The following NAB2 variants were observed in gnomAD, a reference collection of about 807,000 sequenced individuals.
NAB2 encodes NGFI-A-binding protein 2.
NAB2 carries 9 observed loss-of-function variants against 44.2 expected under a neutral mutation model. The observed-to-expected ratio is 0.20, with a 90% CI of 0.12 to 0.36. The LOEUF (loss-of-function observed/expected upper bound fraction) is 0.36, where lower values mean the gene tolerates loss of function less well. Ranked by LOEUF, NAB2 falls within the 10% of genes least tolerant of loss-of-function variation. The probability of loss-of-function intolerance (pLI) is 1.00; values close to 1 mark genes in which losing one functional copy is unlikely to be tolerated. For synonymous variants in NAB2, 342 were observed against 291.0 expected (o/e 1.18, Z -1.78); for missense variants, 514 against 709.0 (o/e 0.73, Z 3.12).
In NAB2 at chr12:57,089,205, GGCAGCAC is replaced by G; in HGVS notation, c.-60_-54del. The G allele has an allele frequency of 6.7e-7, 1 of 1,483,162 alleles. No homozygotes were observed. Among genetic ancestry groups the G allele is most frequent in the Non-Finnish European group, 9.2e-7 (1 of 1,089,460 alleles). The allele number at this position is 1,483,162 out of a possible 1,614,324, so 91.9% of individuals were successfully genotyped here. A position where few individuals can be genotyped will look rare whatever the true frequency, so the allele number is the denominator to read the frequency against. ...ACACGGCATCGTGCGCGGGGAAGAG[GGCAGCAC>G]GCAGCAGGCGCCGAGCGCCGGGCAC... On this transcript the variant is annotated 5_prime_UTR_variant, in exon 1 of 7. Coordinates refer to ENST00000300131, the MANE Select transcript of NAB2 (RefSeq NM_005967.4).
intron 1 of NAB2, among the ~76,000 whole-genome samples, chr12:57,090,855 T>C (rs2033170158): frequency 6.6e-6 from 1 of 152,222 alleles, no homozygotes. Flanking sequence ...AAGCTGAAGA[T>C]AAGGTTGTAA....
intron 6 of NAB2, among the ~76,000 whole-genome samples, chr12:57,093,836 G>C (rs2033259378): frequency 8.5e-6 from 1 of 117,276 alleles, no homozygotes; most frequent in African/African-American, 3.3e-5. Flanking sequence ...CTGGGGAATG[G>C]GGGGACAGAG....
chr12:57,090,106 C>T (rs1045243476), intron 1 of NAB2, among the ~76,000 whole-genome samples: 1 of 152,140 alleles, frequency 6.6e-6, no homozygotes, highest in African/African-American at 2.4e-5. Flanking sequence ...AGTGTCACTG[C>T]TAGGAGAGGG....
chr12:57,093,020 C>T, intron 4 of NAB2, 43 bp from the exon 5 acceptor site: 1 of 1,614,138 alleles, frequency 6.2e-7, no homozygotes, highest in Non-Finnish European at 8.5e-7. Context: ...CCCCAATCCC[C>T]TCCCTTGGCA....
rs762996162 is a variant in NAB2 at position 57,091,774 on chromosome 12, G to C, written c.733G>C (p.Val245Leu). 6.2e-7 allele frequency: 1 copy of C among 1,614,224 alleles called. No homozygotes were observed. Among genetic ancestry groups the C allele is most frequent in the Non-Finnish European group, 8.5e-7 (1 of 1,180,016 alleles). The change falls in exon 2 of 7, where the codon GTG becomes CTG. Residue 245 changes from valine to leucine, a missense_variant. Val to Leu is a conservative substitution (Grantham distance 32). Transcript: ENST00000300131. This position sits in a 1 kb window ranked among gnomAD's most constrained non-coding sequence, Gnocchi z 7.3. ...DRLEPEMVRM[V>L]VESVERIFRS... is the part of the protein sequence containing the mutation. ...ACTGGAGCCAGAGATGGTACGCATG[G>C]TGGTGGAAAGTGTGGAGAGGATCTT...
At chr12:57,092,413 G>A (rs200885217) in intron 2 of NAB2, 35 bp from the exon 3 acceptor site, 21 of 1,609,222 alleles carry the variant, frequency 1.3e-5, no homozygotes, top group Middle Eastern at 1.7e-4. Flanking sequence ...GGGGAAGTTC[G>A]AATTCTGACT....
At position 57,089,447 on chromosome 12, in the gene NAB2, G is replaced by T; in HGVS notation, c.83+93G>T. 4 of 1,102,588 alleles carry T rather than the reference G, an allele frequency of 3.6e-6. No individual in the cohort carries two copies. The South Asian group carries it at 6.0e-5, about 17-fold the overall frequency. 68.3% of individuals were successfully genotyped at this position (1,102,588 alleles called of 1,614,324 possible). A position where few individuals can be genotyped will look rare whatever the true frequency, so the allele number is the denominator to read the frequency against. ...AGGGCGGAGGTCGAGGGGAGGACGT[G>T]GGGAAGCAGGACGGGGGTGGGGGGT... On this transcript the variant is annotated intron_variant, in intron 1 of 6. Transcript: ENST00000300131.
chr12:57,094,909 G>A lies in NAB2; in HGVS notation c.*188G>A, dbSNP rs756749319. The A allele has an allele frequency of 2.0e-5, 12 of 597,478 alleles. No individual in the cohort carries two copies. Among genetic ancestry groups the A allele is most frequent in the Non-Finnish European group, 3.0e-5 (10 of 338,004 alleles). The allele number at this position is 597,478 out of a possible 1,614,324, so 37.0% of individuals were successfully genotyped here. ...ATAACAAGCAGAGGCCTGGAGAGAG[G>A]ACACAAGGAGGGTGCGTGGTGCCCT... On this transcript the variant is annotated 3_prime_UTR_variant, in exon 7 of 7. Transcript: ENST00000300131.
At chr12:57,093,722 G>A (rs2033254219) in intron 6 of NAB2, 124 bp downstream of exon 6, 1 of 1,085,114 alleles carries the variant, frequency 9.2e-7, no homozygotes, top group Non-Finnish European at 1.3e-6. Flanking sequence ...CAGTAGGATG[G>A]CTGGGCTCCA....
chr12:57,091,703 G>C lies in NAB2; in HGVS notation c.662G>C (p.Gly221Ala). 6.2e-7 allele frequency: 1 copy of C among 1,613,814 alleles called. No homozygotes were observed. The highest frequency in any genetic ancestry group is 8.5e-7 in the Non-Finnish European group (1 of 1,179,800). The part of the protein sequence containing the change: ...PAGGGVPEGT[G>A]AGGLAAGGTG... Reference sequence around the variant, plus strand: ...GGGGGAGGAGTCCCTGAGGGGACTGGGGCTGGGGGGCTGGCAGCAGGTGGG... The same window carrying C: ...GGGGGAGGAGTCCCTGAGGGGACTGCGGCTGGGGGGCTGGCAGCAGGTGGG... The change falls in exon 2 of 7, where the codon GGG becomes GCG. Residue 221 changes from glycine (G) to alanine (A), a missense_variant. Around this residue, in one of 5 missense-constraint regions of NAB2, gnomAD observed 177 missense variants for 200.5 expected, o/e 0.88. Transcript: ENST00000300131. This position sits in a 1 kb window ranked among gnomAD's most constrained non-coding sequence, Gnocchi z 7.3.
chr12:57,089,408 G>C, intron 1 of NAB2, 54 bp downstream of exon 1: 1 of 1,509,902 alleles, frequency 6.6e-7, no homozygotes, highest in African/African-American at 1.4e-5. Flanking sequence ...GCTGGACTTG[G>C]GAATGGGGTC....
At chr12:57,094,497 T>C (rs2033293887) in intron 6 of NAB2, 115 bp from the exon 7 acceptor site, 1 of 845,288 alleles carries the variant, frequency 1.2e-6, no homozygotes, top group Admixed American at 2.0e-5. Context: ...AGTAATTCAA[T>C]AAACCTAAAC....
intron 1 of NAB2, 108 bp downstream of exon 1, chr12:57,089,462 G>A: frequency 1.2e-6 from 1 of 836,686 alleles, no homozygotes; most frequent in South Asian, 1.7e-5. Flanking sequence ...AGCAGGACGG[G>A]GGTGGGGGGT....
chr12:57,092,990 T>C (rs202114510), intron 4 of NAB2, 22 bp downstream of exon 4: 1 of 1,614,116 alleles, frequency 6.2e-7, no homozygotes, highest in South Asian at 1.1e-5. Flanking sequence ...GGGGTGCATA[T>C]AGGGGCACTG....
chr12:57,095,250 A>G lies in NAB2; in HGVS notation c.*529A>G, dbSNP rs1475491791. The G allele has an allele frequency of 1.3e-5, 2 of 154,432 alleles. No individual in the cohort carries two copies. The highest frequency in any genetic ancestry group is 4.8e-5 in the African/African-American group (2 of 41,358). 9.6% of individuals were successfully genotyped at this position (154,432 alleles called of 1,614,324 possible). A position where few individuals can be genotyped will look rare whatever the true frequency, so the allele number is the denominator to read the frequency against. ...GCAGTTTGCCCTCCCATTCCCATCT[A>G]TCCCCCAAGTCCTTTGCAATTTCTT... On this transcript the variant is annotated 3_prime_UTR_variant, in exon 7 of 7. Transcript: ENST00000300131.
In NAB2 at chr12:57,093,207, T is replaced by G. The variant is rs1032807754; in HGVS notation, c.1276+12T>G. On this transcript the variant is annotated intron_variant, in intron 5 of 6. Coordinates refer to ENST00000300131, the MANE Select transcript of NAB2 (RefSeq NM_005967.4). The stretch of plus-strand genomic sequence containing the variant: ...TGGACATTTGCAGGGTGAGTGTGCC[T>G]CAGAACACTTTTCTCTTCATTGAGG... 1.3e-6 allele frequency: 2 copies of G among 1,489,534 alleles called. No individual in the cohort carries two copies. Among genetic ancestry groups the G allele is most frequent in the Non-Finnish European group, 1.8e-6 (2 of 1,101,148 alleles). The allele number at this position is 1,489,534 out of a possible 1,614,324, so 92.3% of individuals were successfully genotyped here.
rs2033177753 is a variant in NAB2 at position 57,091,181 on chromosome 12, G to A, written c.140G>A (p.Arg47Gln). The A allele has an allele frequency of 6.5e-7, 1 of 1,546,232 alleles. No individual in the cohort carries two copies. The highest frequency in any genetic ancestry group is 8.8e-7 in the Non-Finnish European group (1 of 1,141,996). Residue 47 changes from arginine to glutamine, a missense_variant, in exon 2 of 7, where the codon CGG becomes CAG. Around this residue, in one of 5 missense-constraint regions of NAB2, gnomAD observed 34 missense variants for 130.5 expected, o/e 0.26. Coordinates refer to ENST00000300131, the MANE Select transcript of NAB2 (RefSeq NM_005967.4). This position sits in a 1 kb window ranked among gnomAD's most constrained non-coding sequence, Gnocchi z 7.3. ...ACGCTGGGGGAGCTGCAGCTGTACCGGGTCCTGCAGCGCGCCAACCTCCTT... is the reference window on the plus strand; with the variant it reads ...ACGCTGGGGGAGCTGCAGCTGTACCAGGTCCTGCAGCGCGCCAACCTCCTT... ...PRTLGELQLYRVLQRANLLSY... is the reference protein window; with the variant it reads ...PRTLGELQLYQVLQRANLLSY...
At chr12:57,090,842 TA>T (rs1193653955) in intron 1 of NAB2, among the ~76,000 whole-genome samples, 1 of 152,186 alleles carries the variant, frequency 6.6e-6, no homozygotes, top group Non-Finnish European at 1.5e-5. Context: ...ACCAAAAAGA[TA>T]AAAGCTGAAG....
intron 1 of NAB2, among the ~76,000 whole-genome samples, chr12:57,090,179 T>A (rs892473376): frequency 5.9e-5 from 9 of 151,656 alleles, no homozygotes; most frequent in Admixed American, 5.9e-4. Context: ...AGAGGAAGCG[T>A]GCGTTAAGAA....
Sources: gnomAD v4.1 joint callset for allele counts (sites outside exome capture counted in the v4.1 genomes callset) on GRCh38, gnomAD v4.1.1 for gene constraint, gnomAD v4.1.1 regional missense constraint, Gnocchi (gnomAD v3.1) non-coding constraint, MANE v1.5 for transcripts, NCBI Gene and HGNC (gene_info 2026-07-23, HGNC 2026-07-21) for gene names.